The following CACNA1C variants were observed in gnomAD, a reference collection of about 807,000 sequenced individuals.
The protein encoded by CACNA1C is calcium voltage-gated channel subunit alpha1 C.
CACNA1C carries 30 observed loss-of-function variants against 229.0 expected under a neutral mutation model. The observed-to-expected ratio is 0.13, with a 90% confidence interval of 0.10 to 0.18. The LOEUF is 0.18. Ranked by LOEUF, CACNA1C falls within the 10% of genes least tolerant of loss-of-function variation. The probability of loss-of-function intolerance (pLI) is 1.00; values close to 1 mark genes in which losing one functional copy is unlikely to be tolerated. For synonymous variants in CACNA1C, 1,114 were observed against 1,132.5 expected (o/e 0.98, Z 0.33); for missense variants, 1,658 against 2,845.0 (o/e 0.58, Z 9.49).
intron 42 of CACNA1C, chr12:2,682,115 C>A: frequency 2.1e-6 from 2 of 973,650 alleles, no homozygotes; most frequent in Non-Finnish European, 1.6e-6. Context: ...AGGGCACCAT[C>A]AAAATAAGAG....
Position 2,688,699 on chromosome 12 carries a change from C to T in CACNA1C, c.6037C>T (p.Pro2013Ser). 6.2e-7 allele frequency: 1 copy of T among 1,611,672 alleles called. No homozygotes were observed. Residue 2013 changes from proline to serine, a missense_variant, in exon 46 of 47, where the codon CCC (proline) becomes TCC (serine). Around this residue, in one of 20 missense-constraint regions of CACNA1C, gnomAD observed 590 missense variants for 700.8 expected, o/e 0.84. Transcript: ENST00000399655. The part of the protein sequence containing the change: ...GGSSAARRVR[P>S]VSLMVPSQAG... Reference sequence around the variant, plus strand: ...CAGCAGCGCCGCCCGGAGAGTCCGGCCCGTCTCCCTCATGGTGCCCAGCCA... The same window carrying T: ...CAGCAGCGCCGCCCGGAGAGTCCGGTCCGTCTCCCTCATGGTGCCCAGCCA...
chr12:2,318,274 G>C (rs1010925903), intron 3 of CACNA1C, among the ~76,000 whole-genome samples: 2 of 152,262 alleles, frequency 1.3e-5, no homozygotes, highest in African/African-American at 4.8e-5. Context: ...TGTTGGAGCT[G>C]TGGAGTGTAA....
chr12:2,515,212 A>G (rs974627819), intron 9 of CACNA1C, among the ~76,000 whole-genome samples: 15 of 152,360 alleles, frequency 9.8e-5, no homozygotes, highest in African/African-American at 2.9e-4. Context: ...AGCAAGATGT[A>G]GAGAGTAAGA....
At chr12:2,330,248 C>T (rs1429337415) in intron 3 of CACNA1C, among the ~76,000 whole-genome samples, 3 of 152,166 alleles carry the variant, frequency 2.0e-5, no homozygotes, top group Non-Finnish European at 4.4e-5. Context: ...GCATGAGATG[C>T]CGGGGAAGAC....
chr12:2,211,902 G>T (rs2097930016), intron 3 of CACNA1C, among the ~76,000 whole-genome samples: 1 of 151,868 alleles, frequency 6.6e-6, no homozygotes, highest in South Asian at 2.1e-4. Context: ...TGTATTTTTA[G>T]TAGAGATGGG....
chr12:2,335,078 A>G (rs898996591), intron 3 of CACNA1C, among the ~76,000 whole-genome samples: 4 of 152,076 alleles, frequency 2.6e-5, no homozygotes, highest in Non-Finnish European at 5.9e-5. Context: ...CCCTATTCTG[A>G]GATGCTCTGG....
Position 2,247,210 on chromosome 12 carries a change from T to C in CACNA1C, c.477+126780T>C, listed in dbSNP as rs139421498. 1.1e-3 allele frequency among the ~76,000 whole-genome samples: 173 copies of C among 152,308 alleles called. 1 individual carries two copies. The highest frequency in any genetic ancestry group is 1.5e-3 in the Non-Finnish European group (104 of 68,026). On this transcript the variant is annotated intron_variant, in intron 3 of 46. Coordinates refer to ENST00000399655, the MANE Select transcript of CACNA1C (RefSeq NM_000719.7). Reference sequence around the variant, plus strand: ...TTTGGGCAGCGGGGATGGCCTGTTATAACCTTGCTCTCTCTATATGGTCAC... The same window carrying C: ...TTTGGGCAGCGGGGATGGCCTGTTACAACCTTGCTCTCTCTATATGGTCAC...
At chr12:2,112,006 C>T (rs1276282205) in intron 1 of CACNA1C, among the ~76,000 whole-genome samples, 2 of 152,146 alleles carry the variant, frequency 1.3e-5, no homozygotes, top group South Asian at 2.1e-4. Context: ...CAGGAGGAGG[C>T]GTGCACCTTG....
chr12:2,525,126 G>T (rs1165559442), intron 9 of CACNA1C, among the ~76,000 whole-genome samples: 2 of 152,172 alleles, frequency 1.3e-5, no homozygotes, highest in South Asian at 4.1e-4. Flanking sequence ...AAAGGGCCTC[G>T]GAGTGGGACT....
intron 10 of CACNA1C, among the ~76,000 whole-genome samples, chr12:2,551,236 G>A (rs567202754): frequency 3.9e-5 from 6 of 152,156 alleles, no homozygotes; most frequent in Non-Finnish European, 7.4e-5. Flanking sequence ...GGCCCAAGTC[G>A]CATACCAGGA....
intron 1 of CACNA1C, among the ~76,000 whole-genome samples, chr12:2,003,535 A>G (rs1326720494): frequency 1.3e-5 from 2 of 152,220 alleles, no homozygotes; most frequent in Admixed American, 6.5e-5. Flanking sequence ...CTGCAACAGG[A>G]TTCCAGTGTT....
At chr12:2,491,091 C>G (rs1344772584) in intron 6 of CACNA1C, among the ~76,000 whole-genome samples, 1 of 152,158 alleles carries the variant, frequency 6.6e-6, no homozygotes, top group African/African-American at 2.4e-5. Flanking sequence ...ACGGATGAAA[C>G]TCAAAACATT....
At chr12:2,148,248 T>C (rs1203215152) in intron 3 of CACNA1C, among the ~76,000 whole-genome samples, 1 of 151,316 alleles carries the variant, frequency 6.6e-6, no homozygotes, top group African/African-American at 2.4e-5. Flanking sequence ...ATGGTTCTTT[T>C]TGGAAACTTT....
chr12:2,687,163 C>T (rs1227492014), intron 45 of CACNA1C, among the ~76,000 whole-genome samples: 2 of 152,196 alleles, frequency 1.3e-5, no homozygotes, highest in East Asian at 3.9e-4. Context: ...TGGCCTTACA[C>T]TTTTCTCAGA....
In CACNA1C at chr12:2,659,205, G is replaced by A. The variant is rs945948324; in HGVS notation, c.4232+3967G>A. On this transcript the variant is annotated intron_variant, in intron 34 of 46. Transcript: ENST00000399655. ...TTCAGTCCTGCAAGCTCCACTCATG[G>A]TATGTGCCCTCTACAGGTGCACCGT... 5.3e-5 allele frequency among the ~76,000 whole-genome samples: 8 copies of A among 152,084 alleles called. No homozygotes were observed. In the East Asian group the frequency reaches 1.2e-3, roughly 22 times the overall value.
intron 1 of CACNA1C, among the ~76,000 whole-genome samples, chr12:2,062,386 A>G (rs2057814330): frequency 6.6e-6 from 1 of 152,248 alleles, no homozygotes; most frequent in South Asian, 2.1e-4. Context: ...ACAGCCACCC[A>G]GACAGTGTTG....
At chr12:2,477,036 G>A (rs141318012) in intron 5 of CACNA1C, among the ~76,000 whole-genome samples, 2 of 152,256 alleles carry the variant, frequency 1.3e-5, no homozygotes, top group African/African-American at 4.8e-5. Flanking sequence ...TGCCTTCCTA[G>A]TTCTAGACCT....
chr12:1,997,236 A>T (rs1211928125), intron 1 of CACNA1C, among the ~76,000 whole-genome samples: 1 of 152,212 alleles, frequency 6.6e-6, no homozygotes, highest in Non-Finnish European at 1.5e-5. Context: ...GGTGGGAGAA[A>T]AGTGATCAAC....
rs115202461 is a variant in CACNA1C at position 2,107,229 on chromosome 12, G to A, written c.50-7995G>A. ...CTGGGGTGTCCTGAAGCCGCTGGGCGTCCTTAAGCCACTGGGCGCCCACCC... is the reference window on the plus strand; with the variant it reads ...CTGGGGTGTCCTGAAGCCGCTGGGCATCCTTAAGCCACTGGGCGCCCACCC... On this transcript the variant is annotated intron_variant, in intron 1 of 46. Transcript: ENST00000399655. Among the ~76,000 whole-genome samples the A allele has an allele frequency of 7.8e-3, 1,133 of 145,718 alleles. 17 individuals carry two copies. Among genetic ancestry groups the A allele is most frequent in the African/African-American group, 0.026 (1,024 of 38,870 alleles).
Sources: gnomAD v4.1 joint callset for allele counts (sites outside exome capture counted in the v4.1 genomes callset) on GRCh38, gnomAD v4.1.1 for gene constraint, gnomAD v4.1.1 regional missense constraint, MANE v1.5 for transcripts, NCBI Gene and HGNC (gene_info 2026-07-23, HGNC 2026-07-21) for gene names.